CACNA1E: variants seen among roughly 807,000 people sequenced by gnomAD.
CACNA1E encodes calcium voltage-gated channel subunit alpha1 E, also known as voltage-dependent R-type calcium channel subunit alpha-1E.
A neutral mutation model predicts 259.2 loss-of-function variants in CACNA1E; 40 were observed. The ratio of observed to expected loss-of-function variants is 0.15; its 90% CI spans 0.12 to 0.20. CACNA1E has a LOEUF of 0.20. Ranked by LOEUF, CACNA1E falls within the 10% of genes least tolerant of loss-of-function variation. The pLI is 1.00. For missense variants in CACNA1E, 1,874 were observed against 3,040.1 expected, an observed-to-expected ratio of 0.62 and a Z score of 9.02; for synonymous variants, 1,104 against 1,138.5, an observed-to-expected ratio of 0.97 and a Z score of 0.61.
intron 7 of CACNA1E, among the ~76,000 whole-genome samples, chr1:181,667,084 A>C (rs77477526): frequency 0.032 from 4,853 of 152,236 alleles, 112 homozygotes; most frequent in African/African-American, 0.063. Flanking sequence ...TACACTGACC[A>C]CTATAATTTA....
At chr1:181,662,347 T>C (rs1647769711) in intron 7 of CACNA1E, among the ~76,000 whole-genome samples, 1 of 152,196 alleles carries the variant, frequency 6.6e-6, no homozygotes, top group African/African-American at 2.4e-5. Context: ...GACAGCTATT[T>C]AGTGTTAGAC....
chr1:181,678,135 A>G (rs1558256403), intron 7 of CACNA1E, among the ~76,000 whole-genome samples: 1 of 152,168 alleles, frequency 6.6e-6, no homozygotes, highest in Non-Finnish European at 1.5e-5. Context: ...TTAATCTTCT[A>G]GGAACTCTGA....
At chr1:181,320,407 G>T (rs1650251614) in intron 1 of CACNA1E, among the ~76,000 whole-genome samples, 1 of 152,184 alleles carries the variant, frequency 6.6e-6, no homozygotes, top group African/African-American at 2.4e-5. Flanking sequence ...CTGCCAGACA[G>T]CTAAGTTCCT....
chr1:181,542,503 TG>T (rs910083508), intron 3 of CACNA1E, among the ~76,000 whole-genome samples: 5 of 152,116 alleles, frequency 3.3e-5, no homozygotes, highest in Non-Finnish European at 5.9e-5. Context: ...AATTGAATCA[TG>T]GGGGTGGTTT....
At chr1:181,756,523 G>A (rs1426212951) in intron 29 of CACNA1E, among the ~76,000 whole-genome samples, 1 of 152,154 alleles carries the variant, frequency 6.6e-6, no homozygotes, top group Non-Finnish European at 1.5e-5. Context: ...TGATCATGAG[G>A]AAGACCACAG....
At chr1:181,790,578 C>T in intron 44 of CACNA1E, 22 bp downstream of exon 44, 1 of 1,342,182 alleles carries the variant, frequency 7.5e-7, no homozygotes, top group Non-Finnish European at 1.1e-6. Context: ...AGTTATATGA[C>T]CTCAAAACTA....
At chr1:181,379,531 A>G (rs1343002380) in intron 1 of CACNA1E, among the ~76,000 whole-genome samples, 1 of 152,180 alleles carries the variant, frequency 6.6e-6, no homozygotes, top group Non-Finnish European at 1.5e-5. Flanking sequence ...ATTTATTGCA[A>G]TTTGGTAGGC....
At chr1:181,525,655 A>G (rs1223291264) in intron 3 of CACNA1E, among the ~76,000 whole-genome samples, 31 of 152,172 alleles carry the variant, frequency 2.0e-4, no homozygotes, top group Admixed American at 2.0e-3. Flanking sequence ...CCATTTACTA[A>G]TTTCTTTTCT....
At chr1:181,455,116 G>C (rs548060760) in intron 2 of CACNA1E, among the ~76,000 whole-genome samples, 1 of 152,236 alleles carries the variant, frequency 6.6e-6, no homozygotes, top group South Asian at 2.1e-4. Flanking sequence ...GTGCTAAAAT[G>C]CCCTTTCTTT....
rs1208875194 is a variant in CACNA1E, at chr1:181,807,481, G to C, written c.*8647G>C. On this transcript the variant is annotated 3_prime_UTR_variant, in exon 48 of 48. Transcript: ENST00000367573. ...CCCATTTAACTGCAATTGCTCCCTT[G>C]CCACAGGGAAAGCAGCAAGCCCCAG... 6.6e-6 allele frequency: 1 copy of C among 152,000 alleles called. No homozygotes were observed. Among genetic ancestry groups the C allele is most frequent in the African/African-American group, 2.4e-5 (1 of 41,372 alleles). The allele number at this position is 152,000 out of a possible 1,614,324, so 9.4% of individuals were successfully genotyped here.
chr1:181,552,006 C>G lies in CACNA1E; in HGVS notation c.513-25760C>G, dbSNP rs531861222. Among the ~76,000 whole-genome samples, 16 of 152,250 alleles carry G rather than the reference C, an allele frequency of 1.1e-4. No individual in the cohort carries two copies. In the South Asian group the frequency reaches 3.3e-3, roughly 32 times the overall value. On this transcript the variant is annotated intron_variant, in intron 3 of 47. Coordinates refer to ENST00000367573, the MANE Select transcript of CACNA1E (RefSeq NM_001205293.3). ...GCAGTGTAAGCTTTCATCAAAGTGA[C>G]AACCACTTGCCACCCAACAAAACAT... is the stretch of plus-strand genomic sequence containing the variant.
intron 1 of CACNA1E, among the ~76,000 whole-genome samples, chr1:181,396,319 GA>G (rs1557969308): frequency 2.0e-5 from 3 of 152,226 alleles, no homozygotes; most frequent in Admixed American, 6.5e-5. Flanking sequence ...TGTGGGAGGG[GA>G]CCGCACAAAG....
chr1:181,757,257 A>G (rs747087151), intron 30 of CACNA1E, 131 bp downstream of exon 30: 7 of 664,666 alleles, frequency 1.1e-5, no homozygotes, highest in Non-Finnish European at 1.8e-5. Context: ...GGGAAAAGTA[A>G]CTATTCAGCC....
intron 1 of CACNA1E, among the ~76,000 whole-genome samples, chr1:181,345,271 T>A (rs1652502464): frequency 6.6e-6 from 1 of 152,260 alleles, no homozygotes; most frequent in African/African-American, 2.4e-5. Context: ...TGGTAGCTAT[T>A]TGCTTGTAAA....
chr1:181,516,885 T>C (rs562266230), intron 3 of CACNA1E, among the ~76,000 whole-genome samples: 59 of 152,370 alleles, frequency 3.9e-4, no homozygotes, highest in African/African-American at 1.4e-3. Context: ...CTGCGTTGGC[T>C]CTTCCCTTTA....
At chr1:181,428,910 G>A (rs1042249565) in intron 2 of CACNA1E, among the ~76,000 whole-genome samples, 3 of 152,154 alleles carry the variant, frequency 2.0e-5, no homozygotes, top group South Asian at 2.1e-4. Flanking sequence ...GGCCGGGTGC[G>A]GTGGCTCATG....
At position 181,512,367 on chromosome 1, in the gene CACNA1E, G is replaced by A. The variant is rs565519398; in HGVS notation, c.512+857G>A. Among the ~76,000 whole-genome samples the A allele has an allele frequency of 2.0e-5, 3 of 152,232 alleles. No homozygotes were observed. In the South Asian group the frequency reaches 6.2e-4, roughly 32 times the overall value. The stretch of plus-strand genomic sequence containing the variant: ...GTGTGGATGTGGCAGCAAGTGATGT[G>A]GTCTGGAAATTCCCTTACCCAACTG... On this transcript the variant is annotated intron_variant, in intron 3 of 47. Coordinates refer to ENST00000367573, the MANE Select transcript of CACNA1E (RefSeq NM_001205293.3).
intron 1 of CACNA1E, among the ~76,000 whole-genome samples, chr1:181,333,724 C>T (rs1029364297): frequency 7.9e-5 from 12 of 151,932 alleles, no homozygotes; most frequent in African/African-American, 1.9e-4. Context: ...GGCACAATCT[C>T]GGCTTGCTGC....
chr1:181,412,087 A>G (rs992707302), intron 1 of CACNA1E, among the ~76,000 whole-genome samples: 1 of 152,254 alleles, frequency 6.6e-6, no homozygotes, highest in African/African-American at 2.4e-5. Flanking sequence ...GTAAGTTCTC[A>G]GTCAACGCTG....
Sources: gnomAD v4.1 joint callset for allele counts (sites outside exome capture counted in the v4.1 genomes callset) on GRCh38, gnomAD v4.1.1 for gene constraint, MANE v1.5 for transcripts, NCBI Gene and HGNC (gene_info 2026-07-23, HGNC 2026-07-21) for gene names.